Variants in CDH12 observed in about 807,000 individuals in gnomAD.
The protein encoded by CDH12 is cadherin 12.
CDH12 carries 41 observed loss-of-function variants against 74.1 expected under a neutral mutation model. The observed-to-expected ratio is 0.55, with a 90% CI of 0.43 to 0.72. CDH12 has a LOEUF of 0.72. CDH12 is among the 30% of genes least tolerant of loss of function. The pLI is 0.00. For synonymous variants in CDH12, 399 were observed against 355.0 expected, an observed-to-expected ratio of 1.12 and a Z score of -1.39; for missense variants, 945 against 977.2, an observed-to-expected ratio of 0.97 and a Z score of 0.44.
chr5:21,938,112 T>A (rs1430359627), intron 6 of CDH12, among the ~76,000 whole-genome samples: 4 of 152,088 alleles, frequency 2.6e-5, no homozygotes, highest in Non-Finnish European at 5.9e-5. Flanking sequence ...CCGTCAGGGC[T>A]TTTTCCAGTT....
intron 4 of CDH12, among the ~76,000 whole-genome samples, chr5:22,096,995 C>A (rs1429552464): frequency 2.0e-5 from 3 of 152,124 alleles, no homozygotes; most frequent in African/African-American, 7.2e-5. Context: ...TTCTGAGTTG[C>A]AATTCCTTGC....
rs536761859 is a variant in CDH12 at position 22,423,888 on chromosome 5, G to A, written c.-427-18537C>T. Among the ~76,000 whole-genome samples, 1,349 of 150,926 alleles carry A rather than the reference G, an allele frequency of 8.9e-3. 13 individuals carry two copies. The highest frequency in any genetic ancestry group is 0.01 in the Non-Finnish European group (700 of 67,670). ...CGTGTTGGCGGGCGCCTGTAGTCCC[G>A]GCTACTTGGGTGGCTGAGGCAGGAG... On this transcript the variant is annotated intron_variant, in intron 2 of 14. Transcript: ENST00000382254.
At chr5:22,657,710 C>T (rs1033499186) in intron 1 of CDH12, among the ~76,000 whole-genome samples, 3 of 152,062 alleles carry the variant, frequency 2.0e-5, no homozygotes, top group Non-Finnish European at 2.9e-5. Flanking sequence ...AACAGAATTT[C>T]CCAAAGTATA....
intron 1 of CDH12, among the ~76,000 whole-genome samples, chr5:22,686,320 T>C (rs1741795256): frequency 1.3e-5 from 2 of 152,146 alleles, no homozygotes; most frequent in South Asian, 4.1e-4. Flanking sequence ...TTTTCTCCCA[T>C]ACTATGGGTT....
intron 3 of CDH12, among the ~76,000 whole-genome samples, chr5:22,346,519 A>G (rs757339165): frequency 3.8e-4 from 58 of 152,324 alleles, no homozygotes; most frequent in Admixed American, 3.1e-3. Context: ...CTTTCCACAC[A>G]GAAAAAAATG....
At chr5:22,679,992 C>G (rs573344548) in intron 1 of CDH12, among the ~76,000 whole-genome samples, 1 of 152,208 alleles carries the variant, frequency 6.6e-6, no homozygotes, top group African/African-American at 2.4e-5. Context: ...GAACACTGAA[C>G]TAGCAAGCAA....
intron 3 of CDH12, among the ~76,000 whole-genome samples, chr5:22,369,268 A>T (rs1271225138): frequency 6.6e-6 from 1 of 152,234 alleles, no homozygotes; most frequent in Non-Finnish European, 1.5e-5. Context: ...GCTGAAGACA[A>T]GGAAACATTT....
At chr5:22,702,883 C>A (rs867473658) in intron 1 of CDH12, among the ~76,000 whole-genome samples, 6 of 152,168 alleles carry the variant, frequency 3.9e-5, no homozygotes, top group Admixed American at 2.6e-4. Flanking sequence ...AACCTTACCA[C>A]TTTTTACAAT....
At chr5:22,038,223 A>G (rs1739318949) in intron 5 of CDH12, among the ~76,000 whole-genome samples, 1 of 152,112 alleles carries the variant, frequency 6.6e-6, no homozygotes. Flanking sequence ...AGGTTTCACT[A>G]CAGCAGAACC....
chr5:22,658,911 A>AG (rs749744528), intron 1 of CDH12, among the ~76,000 whole-genome samples: 6 of 151,780 alleles, frequency 4.0e-5, no homozygotes, highest in Admixed American at 6.5e-5. Context: ...AAAGGCTTAT[A>AG]GGGGGGGATG....
chr5:22,704,842 T>G (rs1246895930), intron 1 of CDH12, among the ~76,000 whole-genome samples: 1 of 151,994 alleles, frequency 6.6e-6, no homozygotes, highest in African/African-American at 2.4e-5. Flanking sequence ...AGGAACCCAT[T>G]ATGATTTGTT....
chr5:21,774,007 G>A (rs979181738), intron 11 of CDH12, among the ~76,000 whole-genome samples: 3 of 152,142 alleles, frequency 2.0e-5, no homozygotes, highest in Non-Finnish European at 4.4e-5. Flanking sequence ...GATTTCAGGA[G>A]ATGTGTGTGG....
intron 6 of CDH12, among the ~76,000 whole-genome samples, chr5:21,880,629 TTCTTTCTTTCTTTC>T: frequency 1.3e-5 from 1 of 77,090 alleles, no homozygotes; most frequent in African/African-American, 4.7e-5. Flanking sequence ...CTTTCTTTCT[TTCTTTCTTTCTTTC>T]TTTCTTTCTT....
chr5:22,429,065 C>T (rs1744060104), intron 2 of CDH12, among the ~76,000 whole-genome samples: 1 of 151,806 alleles, frequency 6.6e-6, no homozygotes, highest in Non-Finnish European at 1.5e-5. Flanking sequence ...TTTTGGTTAG[C>T]CTCAAATTTC....
chr5:21,844,168 T>A (rs2149989022), intron 7 of CDH12, among the ~76,000 whole-genome samples: 1 of 152,234 alleles, frequency 6.6e-6, no homozygotes, highest in East Asian at 1.9e-4. Context: ...GATGCAAAGA[T>A]CGTCTTTTCC....
rs1017949269 is a variant in CDH12, at chr5:22,676,204, G to A, written c.-522-170840C>T. On this transcript the variant is annotated intron_variant, in intron 1 of 14. Transcript: ENST00000382254. ...AATTTTCTAATATTTGATAAATAAG[G>A]TAATGCAATATGGCCAATAAATATT... Among the ~76,000 whole-genome samples the A allele has an allele frequency of 4.0e-5, 6 of 151,866 alleles. No homozygotes were observed. In the South Asian group the frequency reaches 1.3e-3, roughly 32 times the overall value.
At chr5:22,461,593 A>G (rs1745527064) in intron 2 of CDH12, among the ~76,000 whole-genome samples, 1 of 152,038 alleles carries the variant, frequency 6.6e-6, no homozygotes, top group African/African-American at 2.4e-5. Flanking sequence ...TAATGTGTAT[A>G]TGAATAATAT....
chr5:22,643,636 C>G (rs1739267981), intron 1 of CDH12, among the ~76,000 whole-genome samples: 1 of 150,598 alleles, frequency 6.6e-6, no homozygotes, highest in Non-Finnish European at 1.5e-5. Context: ...TAAAGTTGAG[C>G]ACATTAAGCA....
intron 2 of CDH12, among the ~76,000 whole-genome samples, chr5:22,460,198 T>A (rs1288753343): frequency 6.6e-6 from 1 of 152,174 alleles, no homozygotes; most frequent in Non-Finnish European, 1.5e-5. Context: ...TGGGTTTTGT[T>A]TTACTTTTAC....
Sources: gnomAD v4.1 joint callset for allele counts (sites outside exome capture counted in the v4.1 genomes callset) on GRCh38, gnomAD v4.1.1 for gene constraint, MANE v1.5 for transcripts, NCBI Gene and HGNC (gene_info 2026-07-23, HGNC 2026-07-21) for gene names.